The following DSCAM variants were observed in gnomAD, a reference collection of about 807,000 sequenced individuals.
DSCAM encodes cell adhesion molecule DSCAM.
DSCAM carries 47 observed loss-of-function variants against 217.7 expected under a neutral mutation model. The observed-to-expected ratio is 0.22, with a 90% CI of 0.17 to 0.28. DSCAM has a LOEUF of 0.28. Ranked by LOEUF, DSCAM falls within the 10% of genes least tolerant of loss-of-function variation. The pLI is 1.00. For synonymous variants in DSCAM, 1,056 were observed against 1,015.3 expected, an observed-to-expected ratio of 1.04 and a Z score of -0.76; for missense variants, 2,080 against 2,618.3, an observed-to-expected ratio of 0.79 and a Z score of 4.49.
intron 20 of DSCAM, among the ~76,000 whole-genome samples, chr21:40,105,031 C>G (rs910693124): frequency 1.3e-5 from 2 of 152,150 alleles, no homozygotes; most frequent in African/African-American, 4.8e-5. Flanking sequence ...ATCAGGCAGG[C>G]AGTCTTATGA....
chr21:40,728,274 A>G (rs1302476104), intron 1 of DSCAM, among the ~76,000 whole-genome samples: 1 of 152,198 alleles, frequency 6.6e-6, no homozygotes, highest in African/African-American at 2.4e-5. Flanking sequence ...CCCAATTCCT[A>G]CAATAGTTTC....
intron 3 of DSCAM, among the ~76,000 whole-genome samples, chr21:40,437,236 AT>A (rs1569122937): frequency 1.3e-5 from 2 of 152,150 alleles, no homozygotes; most frequent in Non-Finnish European, 2.9e-5. Flanking sequence ...TTTGGGTCAC[AT>A]TCAGGACCAT....
rs887901968 is a variant in DSCAM, at chr21:40,040,927, G to A, written c.5686+1444C>T. Among the ~76,000 whole-genome samples, 487 of 147,278 alleles carry A rather than the reference G, an allele frequency of 3.3e-3. 5 individuals are homozygous for A. Among genetic ancestry groups the A allele is most frequent in the African/African-American group, 0.012 (468 of 40,164 alleles). On this transcript the variant is annotated intron_variant, in intron 32 of 32. Transcript: ENST00000400454. The stretch of plus-strand genomic sequence containing the variant: ...CCTTGCAAATAAATGCCAACAACAC[G>A]AAAAAAAAAAAATAGTTGAAATAAA...
chr21:40,233,833 C>T (rs935806219), intron 11 of DSCAM, among the ~76,000 whole-genome samples: 7 of 152,154 alleles, frequency 4.6e-5, no homozygotes, highest in Non-Finnish European at 8.8e-5. Flanking sequence ...GGTATCACTC[C>T]AATTCACTTC....
At chr21:40,706,205 GAA>G (rs1400850150) in intron 2 of DSCAM, among the ~76,000 whole-genome samples, 3 of 149,704 alleles carry the variant, frequency 2.0e-5, no homozygotes, top group Admixed American at 1.3e-4. Context: ...AAGAAAGAAA[GAA>G]AGAAAGAAAG....
In DSCAM at chr21:40,796,026, G is replaced by A. The variant is rs989975351; in HGVS notation, c.43+50593C>T. Among the ~76,000 whole-genome samples the A allele has an allele frequency of 3.3e-5, 5 of 152,314 alleles. No homozygotes were observed. The East Asian group carries it at 9.7e-4, about 29-fold the overall frequency. On this transcript the variant is annotated intron_variant, in intron 1 of 32. Transcript: ENST00000400454. ...CTCCTAAGTGTCATGTAGGTACAAT[G>A]TACTATCCATTTTAGCTTATTCAAT...
chr21:40,462,180 G>T (rs2075811311), intron 3 of DSCAM, among the ~76,000 whole-genome samples: 1 of 152,136 alleles, frequency 6.6e-6, no homozygotes, highest in Non-Finnish European at 1.5e-5. Flanking sequence ...AAAATTTCAT[G>T]CAGGGAATAT....
intron 3 of DSCAM, among the ~76,000 whole-genome samples, chr21:40,580,705 G>A (rs1337804649): frequency 6.6e-6 from 1 of 152,212 alleles, no homozygotes; most frequent in African/African-American, 2.4e-5. Context: ...GACAGGAAAG[G>A]CGGGTGGGCT....
chr21:40,809,728 C>A (rs553395728), intron 1 of DSCAM, among the ~76,000 whole-genome samples: 13 of 152,284 alleles, frequency 8.5e-5, no homozygotes, highest in South Asian at 4.1e-4. Flanking sequence ...CTATGGTGAT[C>A]ATTTAACAAT....
At chr21:40,818,294 C>T (rs2091899530) in intron 1 of DSCAM, among the ~76,000 whole-genome samples, 1 of 151,312 alleles carries the variant, frequency 6.6e-6, no homozygotes, top group South Asian at 2.1e-4. Flanking sequence ...CGCCTGTAAT[C>T]CCAGCACTTT....
intron 1 of DSCAM, among the ~76,000 whole-genome samples, chr21:40,793,909 T>A (rs2091668974): frequency 6.6e-6 from 1 of 152,230 alleles, no homozygotes; most frequent in African/African-American, 2.4e-5. Flanking sequence ...ACGGTTTTAA[T>A]ATGAAATCCA....
intron 6 of DSCAM, among the ~76,000 whole-genome samples, 174 bp from the exon 7 acceptor site, chr21:40,339,589 A>C (rs2074466806): frequency 6.6e-6 from 1 of 152,222 alleles, no homozygotes; most frequent in East Asian, 1.9e-4. Flanking sequence ...ACTGTTTTCA[A>C]AACAGGTAAG....
intron 11 of DSCAM, among the ~76,000 whole-genome samples, chr21:40,209,184 C>T (rs2091157288): frequency 6.6e-6 from 1 of 152,114 alleles, no homozygotes; most frequent in Admixed American, 6.5e-5. Flanking sequence ...GTGAAGTGCA[C>T]ATGCTTCCGC....
At chr21:40,425,295 G>A (rs190683437) in intron 3 of DSCAM, among the ~76,000 whole-genome samples, 14 of 152,036 alleles carry the variant, frequency 9.2e-5, no homozygotes, top group Admixed American at 9.2e-4. Flanking sequence ...GGATGCCAAG[G>A]TGGGTGGATC....
At chr21:40,159,887 C>A (rs1451873779) in intron 16 of DSCAM, among the ~76,000 whole-genome samples, 1 of 152,194 alleles carries the variant, frequency 6.6e-6, no homozygotes, top group Non-Finnish European at 1.5e-5. Context: ...CCGACCCTAT[C>A]CATCTATTAT....
chr21:40,514,751 A>G (rs2076286890), intron 3 of DSCAM, among the ~76,000 whole-genome samples: 1 of 152,192 alleles, frequency 6.6e-6, no homozygotes, highest in African/African-American at 2.4e-5. Flanking sequence ...ATGTGGGATA[A>G]ATGTATAATG....
chr21:40,655,505 C>T (rs2090065019), intron 3 of DSCAM, among the ~76,000 whole-genome samples: 1 of 150,272 alleles, frequency 6.7e-6, no homozygotes, highest in South Asian at 2.1e-4. Context: ...CACAGTGGCA[C>T]AATCACGGCT....
At chr21:40,294,881 T>C (rs1222299626) in intron 10 of DSCAM, among the ~76,000 whole-genome samples, 1 of 151,766 alleles carries the variant, frequency 6.6e-6, no homozygotes, top group Non-Finnish European at 1.5e-5. Flanking sequence ...ACAGTGGATG[T>C]GGTGTGTGGT....
At chr21:40,356,517 G>A (rs534347789) in intron 4 of DSCAM, among the ~76,000 whole-genome samples, 50 of 152,136 alleles carry the variant, frequency 3.3e-4, no homozygotes, top group African/African-American at 7.7e-4. Flanking sequence ...TGTAACAGGC[G>A]AAAATGTGTG....
Sources: gnomAD v4.1 joint callset for allele counts (sites outside exome capture counted in the v4.1 genomes callset) on GRCh38, gnomAD v4.1.1 for gene constraint, MANE v1.5 for transcripts, NCBI Gene and HGNC (gene_info 2026-07-23, HGNC 2026-07-21) for gene names.